Variants in PRR16 observed in about 807,000 individuals in gnomAD.
PRR16 encodes the protein protein Largen.
A neutral mutation model predicts 18.2 loss-of-function variants in PRR16; 6 were observed. The ratio of observed to expected loss-of-function variants is 0.33; its 90% CI spans 0.18 to 0.65. PRR16 has a LOEUF of 0.65. Among genes scored for constraint, PRR16 ranks in the 30% least tolerant of loss-of-function variants. The pLI is 0.74. For missense variants in PRR16, 412 were observed against 376.6 expected, an observed-to-expected ratio of 1.09 and a Z score of -0.78; for synonymous variants, 151 against 147.8, an observed-to-expected ratio of 1.02 and a Z score of -0.16.
chr5:120,663,436 A>T (rs950361227), intron 1 of PRR16, among the ~76,000 whole-genome samples: 2 of 146,620 alleles, frequency 1.4e-5, no homozygotes, highest in African/African-American at 5.0e-5. Context: ...AAAAAGGTTG[A>T]ACAGGATACA....
intron 1 of PRR16, among the ~76,000 whole-genome samples, chr5:120,676,003 C>G (rs1756781437): frequency 6.6e-6 from 1 of 152,108 alleles, no homozygotes; most frequent in South Asian, 2.1e-4. Context: ...CCACCTTACT[C>G]TATTTCCAAA....
chr5:120,634,994 A>G (rs1445673249), intron 1 of PRR16, among the ~76,000 whole-genome samples: 1 of 152,186 alleles, frequency 6.6e-6, no homozygotes, highest in African/African-American at 2.4e-5. Context: ...ACATCTTTAC[A>G]TACATAAACT....
chr5:120,674,416 A>C (rs1561609264), intron 1 of PRR16, among the ~76,000 whole-genome samples: 1 of 152,150 alleles, frequency 6.6e-6, no homozygotes, highest in Non-Finnish European at 1.5e-5. Flanking sequence ...AATAGCTAAA[A>C]ATATTTTAAT....
the PRR16 span, among the ~76,000 whole-genome samples, chr5:120,720,192 T>C: frequency 6.6e-6 from 1 of 152,062 alleles, no homozygotes; most frequent in Non-Finnish European, 1.5e-5. Flanking sequence ...CGTCAGTCTC[T>C]GTGAATGTGG....
At chr5:120,540,495 G>A (rs1751876525) in intron 1 of PRR16, among the ~76,000 whole-genome samples, 1 of 152,124 alleles carries the variant, frequency 6.6e-6, no homozygotes, top group African/African-American at 2.4e-5. Flanking sequence ...GTGCCCCTAG[G>A]CAGTTAGTAT....
At chr5:120,661,681 C>T (rs759293696) in intron 1 of PRR16, among the ~76,000 whole-genome samples, 2 of 151,822 alleles carry the variant, frequency 1.3e-5, no homozygotes, top group Non-Finnish European at 2.9e-5. Flanking sequence ...TACTGTCCTC[C>T]AGAACACTCT....
intron 1 of PRR16, among the ~76,000 whole-genome samples, chr5:120,595,155 A>T (rs1753759552): frequency 1.3e-5 from 2 of 152,220 alleles, no homozygotes; most frequent in Middle Eastern, 6.8e-3. Flanking sequence ...AGCAAAAGAA[A>T]ATACCAATAG....
At chr5:120,705,360 C>T in the PRR16 span, among the ~76,000 whole-genome samples, 4 of 151,942 alleles carry the variant, frequency 2.6e-5, no homozygotes, top group Admixed American at 2.0e-4. Flanking sequence ...AAATTTTTTT[C>T]TATATATCAT....
At chr5:120,597,858 A>G (rs1031490258) in intron 1 of PRR16, among the ~76,000 whole-genome samples, 2 of 151,826 alleles carry the variant, frequency 1.3e-5, no homozygotes, top group African/African-American at 4.8e-5. Flanking sequence ...TGTAAGATCA[A>G]CTTGTCAATT....
intron 1 of PRR16, among the ~76,000 whole-genome samples, chr5:120,632,753 A>G (rs915396814): frequency 6.6e-6 from 1 of 152,204 alleles, no homozygotes. Flanking sequence ...CAAACCTAAG[A>G]ATAATCAGTG....
At chr5:120,560,423 T>C (rs549869122) in intron 1 of PRR16, among the ~76,000 whole-genome samples, 1 of 152,172 alleles carries the variant, frequency 6.6e-6, no homozygotes, top group East Asian at 1.9e-4. Context: ...ATTCTGTTGA[T>C]ATGATGTATC....
intron 1 of PRR16, among the ~76,000 whole-genome samples, chr5:120,644,123 A>G (rs1429699006): frequency 6.6e-6 from 1 of 152,080 alleles, no homozygotes; most frequent in Non-Finnish European, 1.5e-5. Context: ...CTGTGTGAGT[A>G]TTCAGGCTAA....
At chr5:120,718,120 T>C in the PRR16 span, among the ~76,000 whole-genome samples, 3 of 152,136 alleles carry the variant, frequency 2.0e-5, no homozygotes, top group Admixed American at 1.3e-4. Flanking sequence ...AATATCATAA[T>C]GTGCCTCACT....
intron 1 of PRR16, among the ~76,000 whole-genome samples, chr5:120,647,163 C>T (rs562022428): frequency 1.3e-5 from 2 of 151,834 alleles, no homozygotes; most frequent in African/African-American, 2.4e-5. Context: ...GTTAGAATAA[C>T]GTTATGGCGG....
intron 1 of PRR16, among the ~76,000 whole-genome samples, chr5:120,504,167 C>T (rs1343791121): frequency 2.6e-5 from 4 of 152,144 alleles, no homozygotes; most frequent in African/African-American, 9.7e-5. Flanking sequence ...AATGCTATCC[C>T]TCCCCACTCC....
At chr5:120,712,913 G>C in the PRR16 span, among the ~76,000 whole-genome samples, 1 of 152,130 alleles carries the variant, frequency 6.6e-6, no homozygotes, top group Admixed American at 6.6e-5. Context: ...AGACAATATA[G>C]AGGTTTCTAA....
At chr5:120,732,405 C>CT in the PRR16 span, among the ~76,000 whole-genome samples, 1 of 152,052 alleles carries the variant, frequency 6.6e-6, no homozygotes, top group African/African-American at 2.4e-5. Flanking sequence ...TAATTCTTTC[C>CT]AAGGGAGCAG....
chr5:120,681,118 A>G (rs1756960501), intron 1 of PRR16, among the ~76,000 whole-genome samples: 2 of 152,090 alleles, frequency 1.3e-5, no homozygotes, highest in African/African-American at 4.8e-5. Flanking sequence ...CATTATTTTA[A>G]TCTATTTACA....
intron 1 of PRR16, among the ~76,000 whole-genome samples, chr5:120,468,885 A>G (rs1051073059): frequency 6.6e-6 from 1 of 152,230 alleles, no homozygotes; most frequent in African/African-American, 2.4e-5. Context: ...ATGAGTTGAA[A>G]AACATATGTA....
Sources: gnomAD v4.1 joint callset for allele counts (sites outside exome capture counted in the v4.1 genomes callset) on GRCh38, gnomAD v4.1.1 for gene constraint, MANE v1.5 for transcripts, NCBI Gene and HGNC (gene_info 2026-07-23, HGNC 2026-07-21) for gene names.